OSBPL1A: variants seen among roughly 807,000 people sequenced by gnomAD.
OSBPL1A encodes the protein oxysterol binding protein like 1A.
Under a neutral mutation model 137.1 loss-of-function variants are expected in OSBPL1A, and 80 were observed. The observed-to-expected ratio is 0.58, with a 90% CI of 0.49 to 0.70. The LOEUF (loss-of-function observed/expected upper bound fraction) is 0.70. Ranked by LOEUF, OSBPL1A falls within the 30% of genes least tolerant of loss-of-function variation. The probability of loss-of-function intolerance (pLI) is 0.00; values close to 1 mark genes in which losing one functional copy is unlikely to be tolerated. For missense variants in OSBPL1A, 970 were observed against 1,129.4 expected (o/e 0.86, Z 2.02); for synonymous variants, 365 against 389.7 (o/e 0.94, Z 0.75).
chr18:24,301,321 C>G (rs2090396490), intron 14 of OSBPL1A: 1 of 152,172 alleles, frequency 6.6e-6, no homozygotes, highest in Admixed American at 6.5e-5. Flanking sequence ...GTCATACAGG[C>G]AATCTGAAAC....
intron 15 of OSBPL1A, among the ~76,000 whole-genome samples, chr18:24,257,416 G>A (rs1386015298): frequency 6.6e-6 from 1 of 152,084 alleles, no homozygotes; most frequent in Non-Finnish European, 1.5e-5. Context: ...TGGAAAAACT[G>A]GATATCCATA....
At chr18:24,384,590 C>G (rs937419975) in intron 1 of OSBPL1A, among the ~76,000 whole-genome samples, 1 of 136,534 alleles carries the variant, frequency 7.3e-6, no homozygotes, top group Non-Finnish European at 1.6e-5. Flanking sequence ...ACAAAAGGGC[C>G]GGGGGCGGGT....
At chr18:24,358,544 A>C in intron 4 of OSBPL1A, 1 of 702,206 alleles carries the variant, frequency 1.4e-6, no homozygotes, top group Non-Finnish European at 2.6e-6. Context: ...ATTTCAAGGC[A>C]GTCATTCTCC....
At chr18:24,312,594 A>C (rs2090638554) in intron 12 of OSBPL1A, among the ~76,000 whole-genome samples, 1 of 152,176 alleles carries the variant, frequency 6.6e-6, no homozygotes, top group African/African-American at 2.4e-5. Context: ...ATATTTTTTA[A>C]ATAACAGTGA....
intron 21 of OSBPL1A, among the ~76,000 whole-genome samples, chr18:24,177,634 CAT>C (rs932889763): frequency 3.3e-5 from 5 of 152,224 alleles, no homozygotes; most frequent in African/African-American, 7.2e-5. Flanking sequence ...TAACGCCTAA[CAT>C]GTGCCACACA....
intron 15 of OSBPL1A, among the ~76,000 whole-genome samples, chr18:24,258,884 G>A: frequency 7.0e-6 from 1 of 143,718 alleles, no homozygotes; most frequent in African/African-American, 2.5e-5. Flanking sequence ...CCTACTTGCT[G>A]AAATTCTGTA....
rs1047469170 is a variant in OSBPL1A, at chr18:24,343,885, C to T, written c.283-2227G>A. 9.9e-5 allele frequency among the ~76,000 whole-genome samples: 15 copies of T among 152,168 alleles called. No individual in the cohort carries two copies. The Middle Eastern group carries it at 0.01, about 104-fold the overall frequency. ...ATTAGAAGAAAAAATACCAAGAAAGCTTCACAAGGCCTGAGTTAACAATGA... is the reference window on the plus strand; with the variant it reads ...ATTAGAAGAAAAAATACCAAGAAAGTTTCACAAGGCCTGAGTTAACAATGA... On this transcript the variant is annotated intron_variant, in intron 4 of 27. Coordinates refer to ENST00000319481, the MANE Select transcript of OSBPL1A (RefSeq NM_080597.4).
intron 14 of OSBPL1A, among the ~76,000 whole-genome samples, chr18:24,284,350 T>C (rs540096817): frequency 2.4e-4 from 36 of 152,332 alleles, no homozygotes; most frequent in Admixed American, 1.1e-3. Context: ...GCCAGTATGT[T>C]GCCTTATTTG....
At chr18:24,257,864 G>T (rs1000880317) in intron 15 of OSBPL1A, among the ~76,000 whole-genome samples, 1 of 152,080 alleles carries the variant, frequency 6.6e-6, no homozygotes, top group African/African-American at 2.4e-5. Context: ...TGGAAAACAG[G>T]CATATGAAAA....
Position 24,255,570 on chromosome 18 carries a change from A to C in OSBPL1A, c.1282-16188T>G, listed in dbSNP as rs182270849. The stretch of plus-strand genomic sequence containing the variant: ...GTCTCTTATCTACCTATGACCTGGA[A>C]GCCTCTTCCCTCCTTCCAGTCTTCC... On this transcript the variant is annotated intron_variant, in intron 15 of 27. Transcript: ENST00000319481. 2.0e-5 allele frequency among the ~76,000 whole-genome samples: 3 copies of C among 152,210 alleles called. No individual in the cohort carries two copies. The East Asian group carries it at 5.8e-4, about 29-fold the overall frequency.
intron 2 of OSBPL1A, among the ~76,000 whole-genome samples, chr18:24,376,133 T>C (rs934872802): frequency 1.3e-5 from 2 of 152,258 alleles, no homozygotes; most frequent in African/African-American, 4.8e-5. Flanking sequence ...GAGTTGCCAC[T>C]GCTGGCTCCG....
rs956445486 is a variant in OSBPL1A, at chr18:24,162,814, CAAAAT to C, written c.*360_*364del. On this transcript the variant is annotated 3_prime_UTR_variant, in exon 28 of 28. Coordinates refer to ENST00000319481, the MANE Select transcript of OSBPL1A (RefSeq NM_080597.4). ...TCAAGCATGACAGCATAAAAATATT[CAAAAT>C]AACTTGATTTGGGATTACTATATAG... 1.2e-5 allele frequency: 2 copies of C among 167,448 alleles called. No homozygotes were observed. Among genetic ancestry groups the C allele is most frequent in the African/African-American group, 4.8e-5 (2 of 41,516 alleles). The allele number at this position is 167,448 out of a possible 1,614,324, so 10.4% of individuals were successfully genotyped here.
At chr18:24,299,485 T>C (rs2090356647) in intron 14 of OSBPL1A, among the ~76,000 whole-genome samples, 1 of 152,174 alleles carries the variant, frequency 6.6e-6, no homozygotes, top group Admixed American at 6.5e-5. Flanking sequence ...TTCTCCTTCA[T>C]TTATCAAACT....
chr18:24,326,112 A>C (rs913955842), intron 7 of OSBPL1A, among the ~76,000 whole-genome samples: 4 of 152,212 alleles, frequency 2.6e-5, no homozygotes, highest in Admixed American at 1.3e-4. Flanking sequence ...TCTAGAAAAA[A>C]AAACATACAG....
rs552444488 is a variant in OSBPL1A at position 24,360,159 on chromosome 18, C to T, written c.282+6733G>A. 1.5e-3 allele frequency among the ~76,000 whole-genome samples: 235 copies of T among 152,222 alleles called. 1 individual carries two copies. The highest frequency in any genetic ancestry group is 5.1e-3 in the African/African-American group (213 of 41,546). On this transcript the variant is annotated intron_variant, in intron 4 of 27. Transcript: ENST00000319481. The stretch of plus-strand genomic sequence containing the variant: ...AATTTTTTTGTATTTTTAGTAGAGA[C>T]AGGGTTTCACCATGTTGGCCAGGCT...
intron 7 of OSBPL1A, among the ~76,000 whole-genome samples, chr18:24,320,761 C>T (rs1436315719): frequency 1.3e-5 from 2 of 152,162 alleles, no homozygotes; most frequent in East Asian, 1.9e-4. Flanking sequence ...GGTGCAGTGA[C>T]GCATGCCTGT....
At chr18:24,306,608 C>T (rs1023067277) in intron 13 of OSBPL1A, among the ~76,000 whole-genome samples, 5 of 152,026 alleles carry the variant, frequency 3.3e-5, no homozygotes, top group Non-Finnish European at 7.4e-5. Context: ...ATGACATTGT[C>T]ATTATATCAG....
chr18:24,373,896 T>C (rs574699808), intron 2 of OSBPL1A, among the ~76,000 whole-genome samples: 1 of 152,242 alleles, frequency 6.6e-6, no homozygotes, highest in African/African-American at 2.4e-5. Flanking sequence ...GCCCTTAAGA[T>C]AAAGTCTGAC....
At chr18:24,236,715 G>A (rs537195891) in intron 16 of OSBPL1A, among the ~76,000 whole-genome samples, 1 of 152,242 alleles carries the variant, frequency 6.6e-6, no homozygotes, top group African/African-American at 2.4e-5. Flanking sequence ...CTAGGCGTTT[G>A]GACTGAGCCT....
Sources: allele counts gnomAD v4.1 joint callset (sites outside exome capture counted in the v4.1 genomes callset), GRCh38; gene constraint gnomAD v4.1.1; transcripts MANE v1.5; gene names NCBI Gene and HGNC (gene_info 2026-07-23, HGNC 2026-07-21).